Variants in EML4 observed in about 807,000 individuals in gnomAD.
The protein encoded by EML4 is EMAP like 4.
A neutral mutation model predicts 129.0 loss-of-function variants in EML4; 72 were observed. The observed-to-expected ratio is 0.56, with a 90% CI of 0.46 to 0.68. EML4 has a LOEUF of 0.68. Among genes scored for constraint, EML4 ranks in the 30% least tolerant of loss-of-function variants. The pLI, the probability that EML4 is intolerant of heterozygous loss-of-function variation, is 0.00. For synonymous variants in EML4, 532 were observed against 405.0 expected, an observed-to-expected ratio of 1.31 and a Z score of -3.77; for missense variants, 1,363 against 1,190.6, an observed-to-expected ratio of 1.14 and a Z score of -2.13.
chr2:42,298,755 G>C (rs995268886), intron 13 of EML4, among the ~76,000 whole-genome samples: 1 of 151,636 alleles, frequency 6.6e-6, no homozygotes, highest in African/African-American at 2.4e-5. Flanking sequence ...CAAGGTTTTT[G>C]TCATGTTTAG....
intron 13 of EML4, among the ~76,000 whole-genome samples, chr2:42,297,637 C>A (rs888258414): frequency 6.6e-6 from 1 of 152,054 alleles, no homozygotes. Flanking sequence ...AAGTCCAGAC[C>A]AGAGTAAGTG....
chr2:42,199,024 A>G (rs1204921820), intron 1 of EML4, among the ~76,000 whole-genome samples: 2 of 152,194 alleles, frequency 1.3e-5, no homozygotes, highest in African/African-American at 2.4e-5. Context: ...TTGGGGGTTT[A>G]GGCTGGAGAG....
chr2:42,275,062 G>GT (rs1256729117), intron 6 of EML4, among the ~76,000 whole-genome samples: 1 of 152,164 alleles, frequency 6.6e-6, no homozygotes, highest in Admixed American at 6.5e-5. Context: ...GCCCTTAGCA[G>GT]TATCTGAACA....
At chr2:42,237,104 T>C (rs902799207) in intron 1 of EML4, among the ~76,000 whole-genome samples, 1 of 152,100 alleles carries the variant, frequency 6.6e-6, no homozygotes, top group Non-Finnish European at 1.5e-5. Flanking sequence ...GTCTGGCTAA[T>C]TTTTGTATTT....
At chr2:42,288,870 T>C (rs1447670561) in intron 11 of EML4, 1 of 152,058 alleles carries the variant, frequency 6.6e-6, no homozygotes, top group African/African-American at 2.4e-5. Context: ...GAGAAGAATG[T>C]AAAATGCATT....
At position 42,329,872 on chromosome 2, in the gene EML4, C is replaced by T. The variant is rs140486677; in HGVS notation, c.2611C>T (p.Pro871Ser). 1.0e-4 allele frequency: 162 copies of T among 1,613,918 alleles called. No individual in the cohort carries two copies. The highest frequency in any genetic ancestry group is 1.2e-4 in the Non-Finnish European group (144 of 1,180,004). ...QWKLVEKLSL[P>S]QNETVADTTL... The stretch of plus-strand genomic sequence containing the variant: ...GAAACTTGTGGAAAAGTTATCTTTG[C>T]CTCAGAATGAGACTGTAGCGGATAC... The change falls in exon 23 of 23, where the codon CCT (proline) becomes TCT (serine). Residue 871 changes from proline to serine, a missense_variant. Transcript: ENST00000318522.
chr2:42,178,389 AAAAC>A (rs537815488), intron 1 of EML4, among the ~76,000 whole-genome samples: 6 of 151,886 alleles, frequency 4.0e-5, no homozygotes, highest in African/African-American at 7.3e-5. Context: ...CCAAAAAAAA[AAAAC>A]AAACAAAAAT....
At chr2:42,242,401 T>G (rs961326689) in intron 1 of EML4, among the ~76,000 whole-genome samples, 3 of 152,104 alleles carry the variant, frequency 2.0e-5, no homozygotes, top group African/African-American at 7.2e-5. Context: ...CTGGGAGGAA[T>G]ATTGGAGCAG....
intron 1 of EML4, among the ~76,000 whole-genome samples, chr2:42,213,514 G>A (rs527368365): frequency 1.2e-4 from 18 of 152,348 alleles, no homozygotes; most frequent in Non-Finnish European, 2.2e-4. Flanking sequence ...TTAGGGTTAA[G>A]AAATTCTGGT....
At chr2:42,278,609 C>G (rs1174810411) in intron 6 of EML4, among the ~76,000 whole-genome samples, 1 of 137,100 alleles carries the variant, frequency 7.3e-6, no homozygotes, top group African/African-American at 2.7e-5. Context: ...AAAAATCCAT[C>G]AGTTGAGTGA....
intron 2 of EML4, among the ~76,000 whole-genome samples, chr2:42,252,974 C>T (rs1231424399): frequency 1.3e-5 from 2 of 152,032 alleles, no homozygotes; most frequent in South Asian, 2.1e-4. Context: ...CAGTAACTGC[C>T]TTATATATGT....
rs530897923 is a variant in EML4 at position 42,299,506 on chromosome 2, A to G, written c.1490-1735A>G. On this transcript the variant is annotated intron_variant, in intron 13 of 22. Coordinates refer to ENST00000318522, the MANE Select transcript of EML4 (RefSeq NM_019063.5). ...ACCTAAGGACATTTTCATCACCCCA[A>G]AAAGAAAGCCTGTACCCATTAGTAG... Among the ~76,000 whole-genome samples, 43 of 152,214 alleles carry G rather than the reference A, an allele frequency of 2.8e-4. No individual in the cohort carries two copies. The South Asian group carries it at 3.7e-3, about 13-fold the overall frequency.
At chr2:42,281,161 A>G (rs1392683766) in intron 7 of EML4, among the ~76,000 whole-genome samples, 188 bp downstream of exon 7, 1 of 152,120 alleles carries the variant, frequency 6.6e-6, no homozygotes, top group African/African-American at 2.4e-5. Context: ...TGGGAGGCCG[A>G]GGCAGGCGGA....
chr2:42,222,900 G>A (rs542740577), intron 1 of EML4, among the ~76,000 whole-genome samples: 24 of 151,996 alleles, frequency 1.6e-4, no homozygotes, highest in African/African-American at 3.1e-4. Flanking sequence ...CCGGGTTCAC[G>A]CCATTCTCCT....
intron 1 of EML4, among the ~76,000 whole-genome samples, chr2:42,218,990 A>G (rs900638026): frequency 1.3e-5 from 2 of 152,188 alleles, no homozygotes; most frequent in Non-Finnish European, 2.9e-5. Context: ...TGTAAGGTAT[A>G]ATGCAGTTAA....
chr2:42,224,400 G>A (rs1673816642), intron 1 of EML4, among the ~76,000 whole-genome samples: 1 of 152,062 alleles, frequency 6.6e-6, no homozygotes, highest in Non-Finnish European at 1.5e-5. Flanking sequence ...TTTTATTGGA[G>A]TAATATTCTG....
chr2:42,324,781 C>A (rs1475048630), intron 19 of EML4, among the ~76,000 whole-genome samples: 2 of 152,176 alleles, frequency 1.3e-5, no homozygotes, highest in African/African-American at 2.4e-5. Context: ...AGTGCTTATA[C>A]GTGAAGCCAA....
At chr2:42,292,047 G>A (rs1265827119) in intron 11 of EML4, among the ~76,000 whole-genome samples, 1 of 152,222 alleles carries the variant, frequency 6.6e-6, no homozygotes, top group Non-Finnish European at 1.5e-5. Flanking sequence ...GGGCATGTAA[G>A]TTGATAATAG....
intron 1 of EML4, among the ~76,000 whole-genome samples, chr2:42,187,310 A>C (rs1671315130): frequency 6.6e-6 from 1 of 151,982 alleles, no homozygotes; most frequent in Non-Finnish European, 1.5e-5. Flanking sequence ...AGCTTCCCAA[A>C]GTTCTGGGAT....
Sources: allele counts gnomAD v4.1 joint callset (sites outside exome capture counted in the v4.1 genomes callset), GRCh38; gene constraint gnomAD v4.1.1; transcripts MANE v1.5; gene names NCBI Gene and HGNC (gene_info 2026-07-23, HGNC 2026-07-21).